Variants in GRM7 observed in about 807,000 individuals in gnomAD.
The protein encoded by GRM7 is metabotropic glutamate receptor 7.
Under a neutral mutation model 84.5 loss-of-function variants are expected in GRM7, and 35 were observed. The ratio of observed to expected loss-of-function variants is 0.41; its 90% CI spans 0.32 to 0.55. The LOEUF (loss-of-function observed/expected upper bound fraction) is 0.55, where lower values mean the gene tolerates loss of function less well. Ranked by LOEUF, GRM7 falls within the 20% of genes least tolerant of loss-of-function variation. GRM7 has a pLI of 0.19. For missense variants in GRM7, 1,003 were observed against 1,194.6 expected (o/e 0.84, Z 2.36); for synonymous variants, 487 against 455.1 (o/e 1.07, Z -0.89).
chr3:7,410,437 G>GT (rs1695876535), intron 4 of GRM7, among the ~76,000 whole-genome samples: 2 of 152,030 alleles, frequency 1.3e-5, no homozygotes, highest in African/African-American at 4.8e-5. Flanking sequence ...TCCAGGCATG[G>GT]TGGTGCCCAC....
chr3:6,966,098 G>A (rs1307342010), intron 1 of GRM7, among the ~76,000 whole-genome samples: 1 of 152,132 alleles, frequency 6.6e-6, no homozygotes, highest in Non-Finnish European at 1.5e-5. Flanking sequence ...TGCCCTTGGG[G>A]CTCTCTCCCA....
rs1699997454 is a variant in GRM7 at position 7,504,968 on chromosome 3, C to T, written c.1515+43246C>T. Among the ~76,000 whole-genome samples the T allele has an allele frequency of 2.0e-5, 3 of 152,130 alleles. No individual in the cohort carries two copies. The South Asian group carries it at 6.2e-4, about 32-fold the overall frequency. On this transcript the variant is annotated intron_variant, in intron 7 of 9. Transcript: ENST00000357716. ...GAGTGACTCAAGGTATGATTCATCC[C>T]ATGGCAAATTTCCTCCAGCTGTGAA... is the stretch of plus-strand genomic sequence containing the variant.
chr3:7,336,146 A>C (rs1415193955), intron 4 of GRM7, among the ~76,000 whole-genome samples: 1 of 152,144 alleles, frequency 6.6e-6, no homozygotes, highest in African/African-American at 2.4e-5. Flanking sequence ...AATTCTCAAC[A>C]AAATACTTGT....
intron 1 of GRM7, among the ~76,000 whole-genome samples, chr3:6,997,182 T>C (rs903650303): frequency 4.6e-5 from 7 of 152,306 alleles, no homozygotes; most frequent in Non-Finnish European, 1.0e-4. Flanking sequence ...GCTGGTTTTA[T>C]TAGCTACATT....
At chr3:7,296,805 T>C (rs1357711680) in intron 2 of GRM7, among the ~76,000 whole-genome samples, 2 of 151,340 alleles carry the variant, frequency 1.3e-5, no homozygotes, top group Non-Finnish European at 2.9e-5. Context: ...ATTTATATTT[T>C]CAAAAACAGC....
intron 3 of GRM7, among the ~76,000 whole-genome samples, chr3:7,301,119 C>T (rs905956612): frequency 8.5e-5 from 13 of 152,132 alleles, no homozygotes; most frequent in East Asian, 1.9e-4. Flanking sequence ...TCTTATCCTC[C>T]GATTTGTTCT....
chr3:7,349,382 C>T (rs1693033793), intron 4 of GRM7, among the ~76,000 whole-genome samples: 1 of 152,112 alleles, frequency 6.6e-6, no homozygotes, highest in Non-Finnish European at 1.5e-5. Flanking sequence ...TCATGCAGAA[C>T]TCAGGATATA....
chr3:7,683,344 T>C (rs1180392734), intron 9 of GRM7, among the ~76,000 whole-genome samples: 3 of 152,228 alleles, frequency 2.0e-5, no homozygotes, highest in Non-Finnish European at 4.4e-5. Flanking sequence ...TTTGTTGTTG[T>C]TCTAGTGTCT....
intron 1 of GRM7, among the ~76,000 whole-genome samples, chr3:7,027,613 G>T (rs1415763302): frequency 6.6e-6 from 1 of 151,842 alleles, no homozygotes; most frequent in Non-Finnish European, 1.5e-5. Context: ...ATGTATACTG[G>T]AATGATCTTA....
At chr3:7,206,370 A>C (rs1696240408) in intron 2 of GRM7, among the ~76,000 whole-genome samples, 1 of 152,244 alleles carries the variant, frequency 6.6e-6, no homozygotes, top group African/African-American at 2.4e-5. Flanking sequence ...TAATTCATTA[A>C]TAATTGATAA....
intron 2 of GRM7, among the ~76,000 whole-genome samples, chr3:7,235,378 C>T (rs1015464784): frequency 1.3e-5 from 2 of 152,194 alleles, no homozygotes; most frequent in South Asian, 2.1e-4. Flanking sequence ...GAATCTTTCA[C>T]TTCTTAAGCA....
chr3:7,194,365 G>A (rs6762953), intron 2 of GRM7, among the ~76,000 whole-genome samples: 8,039 of 152,236 alleles, frequency 0.053, 584 homozygotes, highest in African/African-American at 0.17. Context: ...AGCATACAGT[G>A]TGTTAACACA....
chr3:7,104,970 T>A (rs929841830), intron 1 of GRM7, among the ~76,000 whole-genome samples: 1 of 151,876 alleles, frequency 6.6e-6, no homozygotes. Flanking sequence ...CAAACACTGT[T>A]GTAAAATTTA....
chr3:7,044,402 C>T (rs756543098), intron 1 of GRM7, among the ~76,000 whole-genome samples: 4 of 151,958 alleles, frequency 2.6e-5, no homozygotes, highest in African/African-American at 9.7e-5. Flanking sequence ...GGTGGTGGAA[C>T]GAGAGGTGAT....
chr3:7,022,424 A>G (rs1177722864), intron 1 of GRM7, among the ~76,000 whole-genome samples: 1 of 150,718 alleles, frequency 6.6e-6, no homozygotes, highest in East Asian at 1.9e-4. Flanking sequence ...GCCTATGTAT[A>G]TCATCTCAGG....
Position 7,415,862 on chromosome 3 carries a change from C to T in GRM7, c.1174+699C>T, listed in dbSNP as rs1271992187. ...GAATTTGACTTTATTCCAGTGATCT[C>T]ACGAACGAATTCATAATTACAAACT... On this transcript the variant is annotated intron_variant, in intron 5 of 9. Transcript: ENST00000357716. 6.6e-5 allele frequency among the ~76,000 whole-genome samples: 10 copies of T among 152,042 alleles called. No homozygotes were observed. In the South Asian group the frequency reaches 1.9e-3, roughly 28 times the overall value.
intron 1 of GRM7, among the ~76,000 whole-genome samples, chr3:7,000,808 C>T (rs537319240): frequency 6.6e-6 from 1 of 152,288 alleles, no homozygotes; most frequent in East Asian, 1.9e-4. Flanking sequence ...CACACATTGG[C>T]TCAAACACGG....
chr3:7,341,146 C>G (rs769819290), intron 4 of GRM7, among the ~76,000 whole-genome samples: 1 of 152,032 alleles, frequency 6.6e-6, no homozygotes, highest in African/African-American at 2.4e-5. Context: ...ATCATTTACC[C>G]GAAAGATATG....
chr3:7,059,985 G>T (rs1287112187), intron 1 of GRM7, among the ~76,000 whole-genome samples: 3 of 151,798 alleles, frequency 2.0e-5, no homozygotes, highest in Non-Finnish European at 4.4e-5. Flanking sequence ...TTCTTAGAAT[G>T]GAGTAGAGTA....
Sources: allele counts gnomAD v4.1 joint callset (sites outside exome capture counted in the v4.1 genomes callset), GRCh38; gene constraint gnomAD v4.1.1; transcripts MANE v1.5; gene names NCBI Gene and HGNC (gene_info 2026-07-23, HGNC 2026-07-21).